Variants in COBLL1 observed in about 807,000 individuals in gnomAD.
COBLL1 encodes cordon-bleu protein-like 1.
COBLL1 carries 50 observed loss-of-function variants against 94.8 expected under a neutral mutation model. The observed-to-expected ratio is 0.53, with a 90% confidence interval of 0.42 to 0.67. The LOEUF (loss-of-function observed/expected upper bound fraction) is 0.67, where lower values mean the gene tolerates loss of function less well. COBLL1 is among the 30% of genes least tolerant of loss of function. The pLI is 0.00. For missense variants in COBLL1, 1,362 were observed against 1,348.7 expected (o/e 1.01, Z -0.15); for synonymous variants, 448 against 473.8 (o/e 0.95, Z 0.71).
intron 6 of COBLL1, 47 bp downstream of exon 6, chr2:164,722,378 A>G: frequency 6.7e-7 from 1 of 1,503,360 alleles, no homozygotes; most frequent in Non-Finnish European, 9.0e-7. Context: ...TTAGTAATTA[A>G]AAATAATTGA....
At chr2:164,678,398 T>C (rs1205750813), downstream of COBLL1, among the ~76,000 whole-genome samples, 1 of 152,088 alleles carries the variant, frequency 6.6e-6, no homozygotes, top group Non-Finnish European at 1.5e-5. Context: ...ACTATTCATA[T>C]AGGGAGCAAG....
At chr2:164,839,948 C>T (rs527485588) in intron 2 of COBLL1, among the ~76,000 whole-genome samples, 22 of 152,326 alleles carry the variant, frequency 1.4e-4, no homozygotes, top group African/African-American at 5.1e-4. Context: ...ATAATTAATA[C>T]ACTACATGTT....
chr2:164,830,162 C>T (rs1466100153), intron 2 of COBLL1, among the ~76,000 whole-genome samples: 2 of 152,226 alleles, frequency 1.3e-5, no homozygotes, highest in African/African-American at 2.4e-5. Context: ...CTAAACTGTA[C>T]TTCTTGGTGC....
chr2:164,672,244 C>T (rs1390773391), intron 1 of COBLL1, among the ~76,000 whole-genome samples: 1 of 152,220 alleles, frequency 6.6e-6, no homozygotes, highest in African/African-American at 2.4e-5. Context: ...ATGTGACTTA[C>T]TTGGCAATGA....
intron 9 of COBLL1, among the ~76,000 whole-genome samples, chr2:164,703,932 G>C (rs1412475125): frequency 1.3e-5 from 2 of 152,088 alleles, no homozygotes; most frequent in Non-Finnish European, 2.9e-5. Flanking sequence ...ACTTGTAATG[G>C]AATTTTGTTT....
chr2:164,762,289 G>A (rs1218224347), intron 2 of COBLL1, among the ~76,000 whole-genome samples: 1 of 152,152 alleles, frequency 6.6e-6, no homozygotes, highest in East Asian at 1.9e-4. Context: ...GAGTATCACT[G>A]GGCAAAATAA....
At chr2:164,708,330 A>AGTG (rs527674152) in intron 7 of COBLL1, among the ~76,000 whole-genome samples, 17,724 of 152,124 alleles carry the variant, frequency 0.12, 2,097 homozygotes, top group African/African-American at 0.31. Flanking sequence ...ATTCTGACTA[A>AGTG]ATATTATGAT....
At chr2:164,687,655 G>A (rs910788443) in intron 13 of COBLL1, 6 of 869,588 alleles carry the variant, frequency 6.9e-6, no homozygotes, top group African/African-American at 4.8e-5. Context: ...CTATTATCAA[G>A]GTCCCTTAGA....
At chr2:164,763,316 T>C (rs1364487028) in intron 2 of COBLL1, among the ~76,000 whole-genome samples, 1 of 152,022 alleles carries the variant, frequency 6.6e-6, no homozygotes, top group Non-Finnish European at 1.5e-5. Flanking sequence ...GAAAAAAATG[T>C]AAAAAATTTG....
At chr2:164,796,858 CT>C (rs1391428017) in intron 2 of COBLL1, among the ~76,000 whole-genome samples, 1 of 151,982 alleles carries the variant, frequency 6.6e-6, no homozygotes, top group African/African-American at 2.4e-5. Flanking sequence ...ACCTGTAGTC[CT>C]AGCTACTAGG....
chr2:164,691,703 A>G (rs1353291092), intron 13 of COBLL1, among the ~76,000 whole-genome samples: 3 of 152,178 alleles, frequency 2.0e-5, no homozygotes, highest in Non-Finnish European at 4.4e-5. Flanking sequence ...GAGGAGCTAG[A>G]CAACTTTGGC....
intron 2 of COBLL1, among the ~76,000 whole-genome samples, chr2:164,828,687 G>A (rs535014975): frequency 3.3e-5 from 5 of 152,286 alleles, no homozygotes; most frequent in Admixed American, 2.0e-4. Context: ...CAACTGAGAC[G>A]TGGCCAGCGT....
chr2:164,665,338 A>AAAAAAAAAG (rs1294217691), intron 2 of COBLL1, among the ~76,000 whole-genome samples: 1 of 147,976 alleles, frequency 6.8e-6, no homozygotes, highest in Non-Finnish European at 1.5e-5. Flanking sequence ...GTCAAAAAAA[A>AAAAAAAAAG]AAAGAAAGAA....
At chr2:164,773,009 A>C (rs376914752) in intron 2 of COBLL1, among the ~76,000 whole-genome samples, 1 of 152,156 alleles carries the variant, frequency 6.6e-6, no homozygotes, top group South Asian at 2.1e-4. Context: ...TCTAAGGTTC[A>C]TGTGCTAAAG....
chr2:164,736,680 A>G (rs548654491), intron 3 of COBLL1, among the ~76,000 whole-genome samples: 1 of 152,282 alleles, frequency 6.6e-6, no homozygotes, highest in African/African-American at 2.4e-5. Flanking sequence ...AAATACTACA[A>G]ATATATCTCA....
At chr2:164,672,657 C>A (rs1691261760) in intron 1 of COBLL1, among the ~76,000 whole-genome samples, 1 of 146,034 alleles carries the variant, frequency 6.8e-6, no homozygotes, top group East Asian at 2.0e-4. Context: ...CGAGATTGCG[C>A]CACTGCAGTC....
chr2:164,679,317 A>C (rs1378114766), downstream of COBLL1, among the ~76,000 whole-genome samples: 5 of 152,262 alleles, frequency 3.3e-5, no homozygotes, highest in South Asian at 8.3e-4. Flanking sequence ...TGGCAGAATA[A>C]GTGGTCTTGG....
At position 164,703,594 on chromosome 2, in the gene COBLL1, C is replaced by T. The variant is rs1684429498; in HGVS notation, c.1225+850G>A. 9.4e-6 allele frequency: 4 copies of T among 426,022 alleles called. No homozygotes were observed. In the Admixed American group the frequency reaches 1.0e-4, roughly 11 times the overall value. 26.4% of individuals were successfully genotyped at this position (426,022 alleles called of 1,614,324 possible). ...ATCACAGAGGAGTGAAGAATTCTTA[C>T]ATATATATGCTAAAATTCCAAATTC... On this transcript the variant is annotated intron_variant, in intron 9 of 13. Coordinates refer to ENST00000652658, the MANE Select transcript of COBLL1 (RefSeq NM_001365672.2).
chr2:164,672,540 T>A (rs1229749191), intron 1 of COBLL1, among the ~76,000 whole-genome samples: 1 of 149,842 alleles, frequency 6.7e-6, no homozygotes. Context: ...CTACCAAAAA[T>A]ACAAAAAAAT....
Sources: gnomAD v4.1 joint callset for allele counts (sites outside exome capture counted in the v4.1 genomes callset) on GRCh38, gnomAD v4.1.1 for gene constraint, MANE v1.5 for transcripts, NCBI Gene and HGNC (gene_info 2026-07-23, HGNC 2026-07-21) for gene names.